Variants in ZSCAN30 observed in about 807,000 individuals in gnomAD.
ZSCAN30 encodes the protein zinc finger and SCAN domain-containing protein 30.
Under a neutral mutation model 44.3 loss-of-function variants are expected in ZSCAN30, and 37 were observed. That is an observed-to-expected ratio of 0.84 (90% CI 0.64 to 1.10). The LOEUF is 1.10. Ranked by LOEUF, ZSCAN30 falls within the 50% of genes least tolerant of loss-of-function variation. The pLI is 0.00. For missense variants in ZSCAN30, 549 were observed against 582.6 expected (o/e 0.94, Z 0.59); for synonymous variants, 181 against 204.6 (o/e 0.88, Z 0.98).
In ZSCAN30 at chr18:35,265,991, T is replaced by C. The variant is rs985126289; in HGVS notation, c.-103-1536A>G. ...GGAGAGGAAGGTCACCCAGGCAAAG[T>C]GAAAATGGGTATGAGAGAATGTGGC... On this transcript the variant is annotated intron_variant, in intron 1 of 3. Coordinates refer to ENST00000333206, the MANE Select transcript of ZSCAN30 (RefSeq NM_001112734.4). Among the ~76,000 whole-genome samples, 12 of 151,762 alleles carry C rather than the reference T, an allele frequency of 7.9e-5. No individual in the cohort carries two copies. The South Asian group carries it at 8.3e-4, about 11-fold the overall frequency.
chr18:35,259,928 T>C (rs888739787), intron 3 of ZSCAN30, among the ~76,000 whole-genome samples: 1 of 152,226 alleles, frequency 6.6e-6, no homozygotes, highest in Non-Finnish European at 1.5e-5. Context: ...CGTAGGTAAA[T>C]GTGTGCCATG....
chr18:35,254,316 C>T lies in ZSCAN30; in HGVS notation c.619G>A (p.Ala207Thr), dbSNP rs1308404636. The change falls in exon 4 of 4, where the codon GCA becomes ACA. Residue 207 changes from alanine (A) to threonine (T), a missense_variant. By Grantham distance (58) the Ala-to-Thr change is moderately conservative. Coordinates refer to ENST00000333206, the MANE Select transcript of ZSCAN30 (RefSeq NM_001112734.4). ...KQEIVECVAS[A>T]AMISPGKLPG... ...AGTTTTCCCGGCGATATCATAGCTG[C>T]TGAGGCTACACATTCAACAATTTCT... 3.7e-6 allele frequency: 6 copies of T among 1,614,016 alleles called. No individual in the cohort carries two copies. The African/African-American group carries it at 8.0e-5, about 22-fold the overall frequency.
intron 1 of ZSCAN30, among the ~76,000 whole-genome samples, chr18:35,287,253 C>T (rs776942938): frequency 2.6e-5 from 4 of 152,218 alleles, no homozygotes; most frequent in Admixed American, 6.5e-5. Context: ...TATTGATCTA[C>T]AGATTCAATC....
At chr18:35,272,406 G>A (rs1230959863) in intron 1 of ZSCAN30, among the ~76,000 whole-genome samples, 29 of 147,802 alleles carry the variant, frequency 2.0e-4, no homozygotes, top group Non-Finnish European at 8.9e-5. Context: ...GCAGTGCAGT[G>A]GCACAATCTC....
chr18:35,282,635 T>C (rs1392751952), intron 1 of ZSCAN30: 2 of 152,232 alleles, frequency 1.3e-5, no homozygotes, highest in African/African-American at 4.8e-5. Context: ...ACTCATTTTG[T>C]AGCAGCTTGG....
In ZSCAN30 at chr18:35,253,409, ACTC is replaced by A. The variant is rs755337156; in HGVS notation, c.*38_*40del. ...CTGTGGAGTCTCACCCCTACAGTGA[ACTC>A]CTTGCATTTCACAATTGTACAACTC... On this transcript the variant is annotated 3_prime_UTR_variant, in exon 4 of 4. Coordinates refer to ENST00000333206, the MANE Select transcript of ZSCAN30 (RefSeq NM_001112734.4). The A allele has an allele frequency of 6.6e-7, 1 of 1,507,050 alleles. No individual in the cohort carries two copies. Among genetic ancestry groups the A allele is most frequent in the African/African-American group, 1.4e-5 (1 of 71,484 alleles). The allele number at this position is 1,507,050 out of a possible 1,614,324, so 93.4% of individuals were successfully genotyped here. A position where few individuals can be genotyped will look rare whatever the true frequency, so the allele number is the denominator to read the frequency against.
At chr18:35,282,671 G>T (rs1478581343) in intron 1 of ZSCAN30, 1 of 152,168 alleles carries the variant, frequency 6.6e-6, no homozygotes, top group African/African-American at 2.4e-5. Context: ...CCATCCTCTA[G>T]ATCCTCCTTC....
rs971857825 is a variant in ZSCAN30, at chr18:35,256,716, G to A, written c.554-2335C>T. On this transcript the variant is annotated intron_variant, in intron 3 of 3. Coordinates refer to ENST00000333206, the MANE Select transcript of ZSCAN30 (RefSeq NM_001112734.4). ...CAGATTTATAAGAGGCTCTTTGGAG[G>A]AGAAATAAGGCACAGGTATCTCTGT... Among the ~76,000 whole-genome samples the A allele has an allele frequency of 3.3e-5, 5 of 152,272 alleles. No individual in the cohort carries two copies. In the East Asian group the frequency reaches 9.7e-4, roughly 29 times the overall value.
chr18:35,276,835 C>A (rs2143756714), intron 1 of ZSCAN30, among the ~76,000 whole-genome samples: 1 of 152,316 alleles, frequency 6.6e-6, no homozygotes, highest in East Asian at 1.9e-4. Flanking sequence ...GAGAAGAGGA[C>A]CTCTGTCCTC....
At chr18:35,272,110 G>A (rs1232542706) in intron 1 of ZSCAN30, among the ~76,000 whole-genome samples, 2 of 152,228 alleles carry the variant, frequency 1.3e-5, no homozygotes, top group African/African-American at 4.8e-5. Flanking sequence ...CTCAAGCATG[G>A]CAAGAGCAGA....
chr18:35,287,574 C>CAA (rs59300208), intron 1 of ZSCAN30, among the ~76,000 whole-genome samples: 15,347 of 94,318 alleles, frequency 0.16, 1,299 homozygotes, highest in Non-Finnish European at 0.21. Context: ...ATCCACATAC[C>CAA]AAAAAAAAAA....
At chr18:35,287,574 CAAAAAAAAA>C (rs59300208) in intron 1 of ZSCAN30, among the ~76,000 whole-genome samples, 1 of 94,706 alleles carries the variant, frequency 1.1e-5, no homozygotes, top group African/African-American at 4.4e-5. Flanking sequence ...ATCCACATAC[CAAAAAAAAA>C]AAAAAAAAAA....
In ZSCAN30 at chr18:35,264,248, A is replaced by C; in HGVS notation, c.105T>G (p.Phe35Leu). 1 of 1,614,182 alleles carries C rather than the reference A, an allele frequency of 6.2e-7. No individual in the cohort carries two copies. The highest frequency in any genetic ancestry group is 8.5e-7 in the Non-Finnish European group (1 of 1,180,032). The change falls in exon 2 of 4, where the codon TTT becomes TTG. Residue 35 changes from phenylalanine to leucine, a missense_variant. Physicochemically the swap from Phe to Leu is conservative, Grantham distance 22 (BLOSUM62 0). Coordinates refer to ENST00000333206, the MANE Select transcript of ZSCAN30 (RefSeq NM_001112734.4). ...EEENYVLDQD[F>L]GLQENPWSQE... ...GGCTCCAGGGGTTTTCCTGAAGGCC[A>C]AAGTCCTGGTCCAAAACATAATTTT...
intron 1 of ZSCAN30, among the ~76,000 whole-genome samples, chr18:35,278,611 A>G (rs2044405379): frequency 6.6e-6 from 1 of 152,236 alleles, no homozygotes; most frequent in Admixed American, 6.5e-5. Context: ...TCTCCAGAGC[A>G]TGCTATCTGA....
intron 1 of ZSCAN30, among the ~76,000 whole-genome samples, chr18:35,279,933 G>C (rs2044426135): frequency 6.6e-6 from 1 of 152,084 alleles, no homozygotes; most frequent in African/African-American, 2.4e-5. Flanking sequence ...CTTTTGGGGG[G>C]ATACAATTCA....
At chr18:35,257,687 A>G (rs959788374) in intron 3 of ZSCAN30, among the ~76,000 whole-genome samples, 3 of 152,192 alleles carry the variant, frequency 2.0e-5, no homozygotes, top group Non-Finnish European at 4.4e-5. Context: ...GCTCCTAACT[A>G]TACAGAGATG....
intron 1 of ZSCAN30, chr18:35,284,646 A>T (rs1253259079): frequency 6.4e-6 from 1 of 155,212 alleles, no homozygotes; most frequent in Non-Finnish European, 1.5e-5. Flanking sequence ...GAGGCCAGGC[A>T]GCAGAAGCAG....
intron 1 of ZSCAN30, among the ~76,000 whole-genome samples, chr18:35,275,934 AT>A (rs1421568905): frequency 6.6e-6 from 1 of 152,034 alleles, no homozygotes; most frequent in African/African-American, 2.4e-5. Context: ...TTTTCTGCAT[AT>A]TTTGTCCTTT....
chr18:35,254,300 G>C lies in ZSCAN30; in HGVS notation c.635C>G (p.Pro212Arg). The change falls in exon 4 of 4, where the codon CCG becomes CGG. Residue 212 changes from proline (P) to arginine (R), a missense_variant. Pro to Arg is a moderately radical substitution (Grantham distance 103, BLOSUM62 -2). Coordinates refer to ENST00000333206, the MANE Select transcript of ZSCAN30 (RefSeq NM_001112734.4). ...ATGTGTTTCTCCAGGAAGTTTTCCC[G>C]GCGATATCATAGCTGCTGAGGCTAC... is the stretch of plus-strand genomic sequence containing the variant. ...ECVASAAMIS[P>R]GKLPGETHSQ... 1.2e-6 allele frequency: 2 copies of C among 1,614,040 alleles called. No homozygotes were observed. Among genetic ancestry groups the C allele is most frequent in the Non-Finnish European group, 1.7e-6 (2 of 1,179,970 alleles).
Sources: allele counts gnomAD v4.1 joint callset (sites outside exome capture counted in the v4.1 genomes callset), GRCh38; gene constraint gnomAD v4.1.1; transcripts MANE v1.5; gene names NCBI Gene and HGNC (gene_info 2026-07-23, HGNC 2026-07-21).